IFRD1: variants seen among roughly 807,000 people sequenced by gnomAD.
The protein encoded by IFRD1 is interferon-related developmental regulator 1.
IFRD1 carries 35 observed loss-of-function variants against 52.9 expected under a neutral mutation model. The observed-to-expected ratio is 0.66, with a 90% CI of 0.51 to 0.88. IFRD1 has a LOEUF of 0.88. Ranked by LOEUF, IFRD1 falls within the 40% of genes least tolerant of loss-of-function variation. The probability of loss-of-function intolerance (pLI) is 0.00; values close to 1 mark genes in which losing one functional copy is unlikely to be tolerated. For missense variants in IFRD1, 517 were observed against 550.8 expected, an observed-to-expected ratio of 0.94 and a Z score of 0.61; for synonymous variants, 184 against 188.4, an observed-to-expected ratio of 0.98 and a Z score of 0.19.
At chr7:112,456,819 A>T in intron 3 of IFRD1, 95 bp from the exon 4 acceptor site, 1 of 1,156,090 alleles carries the variant, frequency 8.6e-7, no homozygotes, top group Non-Finnish European at 1.3e-6. Flanking sequence ...AAAAATCTAT[A>T]CATAGGTAAA....
At chr7:112,455,644 A>G in intron 1 of IFRD1, 119 bp from the exon 2 acceptor site, 1 of 710,032 alleles carries the variant, frequency 1.4e-6, no homozygotes, top group South Asian at 1.5e-5. Flanking sequence ...CTCTTTTTAT[A>G]AAATGAGTCT....
chr7:112,461,843 T>TAG (rs1795444485), intron 5 of IFRD1, 23 bp from the exon 6 acceptor site: 1 of 1,246,150 alleles, frequency 8.0e-7, no homozygotes, highest in Admixed American at 1.8e-5. Flanking sequence ...TTAATGTCTA[T>TAG]ATATATATAT....
intron 1 of IFRD1, among the ~76,000 whole-genome samples, chr7:112,453,712 G>A (rs1171023109): frequency 6.6e-6 from 1 of 152,122 alleles, no homozygotes; most frequent in Non-Finnish European, 1.5e-5. Context: ...CCTGTCCTAA[G>A]CACTCCAAGA....
At chr7:112,457,369 G>A (rs1331747767) in intron 4 of IFRD1, 1 of 430,890 alleles carries the variant, frequency 2.3e-6, no homozygotes, top group East Asian at 3.8e-5. Flanking sequence ...ATTTTCCCTT[G>A]CACTTATATA....
chr7:112,425,256 T>G lies in IFRD1; in HGVS notation c.-182+1824T>G, dbSNP rs529045565. ...ATTTTAGGTGCCAACTTGACTGAAT[T>G]GAGGGAGGTGTAGATGGCAGGTAGG... On this transcript the variant is annotated intron_variant, in intron 1 of 12. Transcript: ENST00000005558. Among the ~76,000 whole-genome samples the G allele has an allele frequency of 8.1e-4, 123 of 152,286 alleles. 1 individual carries two copies. The highest frequency in any genetic ancestry group is 2.7e-3 in the African/African-American group (113 of 41,558).
rs976051009 is a variant in IFRD1 at position 112,468,098 on chromosome 7, G to A, written c.1024G>A (p.Val342Ile). The change falls in exon 9 of 12, where the codon GTC (valine) becomes ATC (isoleucine). Residue 342 changes from valine to isoleucine, a missense_variant. Coordinates refer to ENST00000403825, the MANE Select transcript of IFRD1 (RefSeq NM_001550.4). ...KRKQRSVFRD[V>I]LRAVEERDFP... ...AAAGCAGCGGTCAGTTTTCAGAGAT[G>A]TCCTGAGGGCAGTGGAGGTAGGCTT... 1.9e-6 allele frequency: 3 copies of A among 1,614,036 alleles called. No homozygotes were observed. The highest frequency in any genetic ancestry group is 1.3e-5 in the African/African-American group (1 of 75,026).
intron 1 of IFRD1, among the ~76,000 whole-genome samples, chr7:112,424,864 T>G (rs1336952886): frequency 6.6e-6 from 1 of 152,226 alleles, no homozygotes. Context: ...GGTCAGAAAA[T>G]ATATGAGATA....
upstream of IFRD1, chr7:112,450,416 G>T: frequency 2.0e-6 from 1 of 503,856 alleles, no homozygotes; most frequent in Non-Finnish European, 3.6e-6. Context: ...AGTGACGTCA[G>T]GTGGCGGTAT....
intron 8 of IFRD1, among the ~76,000 whole-genome samples, chr7:112,465,014 T>C (rs1412667693): frequency 1.3e-5 from 2 of 152,208 alleles, no homozygotes; most frequent in Non-Finnish European, 2.9e-5. Context: ...AAAGATATTC[T>C]GCCTTGATTA....
chr7:112,475,203 C>G (rs1281205372), intron 11 of IFRD1, among the ~76,000 whole-genome samples: 1 of 152,138 alleles, frequency 6.6e-6, no homozygotes, highest in Non-Finnish European at 1.5e-5. Flanking sequence ...CGTGATTCGC[C>G]CACCTCGGCC....
At chr7:112,464,988 A>T (rs1327389306) in intron 8 of IFRD1, among the ~76,000 whole-genome samples, 1 of 152,212 alleles carries the variant, frequency 6.6e-6, no homozygotes, top group Non-Finnish European at 1.5e-5. Flanking sequence ...GTGTAAAAAT[A>T]TCTCCATACC....
intron 1 of IFRD1, 113 bp downstream of exon 1, chr7:112,450,895 C>T: frequency 1.3e-6 from 1 of 777,282 alleles, no homozygotes; most frequent in Non-Finnish European, 2.2e-6. Flanking sequence ...ATTTGCATTT[C>T]CAGGGTGCGT....
chr7:112,450,843 C>A (rs964093219), intron 1 of IFRD1, 61 bp downstream of exon 1: 2 of 1,158,382 alleles, frequency 1.7e-6, no homozygotes, highest in Admixed American at 1.7e-5. Flanking sequence ...GTCTTCCATG[C>A]TTCGGCACGG....
intron 11 of IFRD1, 148 bp from the exon 12 acceptor site, chr7:112,475,282 T>A (rs1795871095): frequency 1.6e-6 from 1 of 629,776 alleles, no homozygotes; most frequent in African/African-American, 1.8e-5. Context: ...GTTTTTCTCC[T>A]TCATTCTTTG....
chr7:112,428,770 GCCC>G (rs1794484244), intron 1 of IFRD1, among the ~76,000 whole-genome samples: 2 of 152,114 alleles, frequency 1.3e-5, no homozygotes, highest in South Asian at 4.1e-4. Context: ...CTTAAACAGA[GCCC>G]CTACCCTTTT....
intron 3 of IFRD1, among the ~76,000 whole-genome samples, 183 bp from the exon 4 acceptor site, chr7:112,456,731 G>A (rs1309677323): frequency 1.3e-5 from 2 of 152,032 alleles, no homozygotes; most frequent in Non-Finnish European, 2.9e-5. Context: ...TAAGTGTTTT[G>A]TGTAACAAGG....
chr7:112,426,716 A>G (rs1256800644), intron 1 of IFRD1, among the ~76,000 whole-genome samples: 3 of 152,194 alleles, frequency 2.0e-5, no homozygotes, highest in Non-Finnish European at 4.4e-5. Flanking sequence ...CTGATAGAAC[A>G]GACTCTTTGA....
In IFRD1 at chr7:112,467,993, G is replaced by A; in HGVS notation, c.919G>A (p.Glu307Lys). 6.2e-7 allele frequency: 1 copy of A among 1,613,884 alleles called. No homozygotes were observed. Among genetic ancestry groups the A allele is most frequent in the East Asian group, 2.2e-5 (1 of 44,868 alleles). Residue 307 changes from glutamate (E) to lysine (K), a missense_variant, in exon 9 of 12, where the codon GAA (glutamate) becomes AAA (lysine). Coordinates refer to ENST00000403825, the MANE Select transcript of IFRD1 (RefSeq NM_001550.4). ...ARGIESDFFYEDMESLTQMLR... is the reference protein window; with the variant it reads ...ARGIESDFFYKDMESLTQMLR... ...TTTTCTTGTCCAGGACTTTTTTTAT[G>A]AAGACATGGAGTCCTTGACGCAGAT...
At chr7:112,445,256 C>T (rs919429784) in intron 1 of IFRD1, among the ~76,000 whole-genome samples, 89 of 151,960 alleles carry the variant, frequency 5.9e-4, no homozygotes, top group Middle Eastern at 3.4e-3. Context: ...TTAGTAGAGA[C>T]GGGGTTTCAC....
Sources: gnomAD v4.1 joint callset for allele counts (sites outside exome capture counted in the v4.1 genomes callset) on GRCh38, gnomAD v4.1.1 for gene constraint, MANE v1.5 for transcripts, NCBI Gene and HGNC (gene_info 2026-07-23, HGNC 2026-07-21) for gene names.